CPNE3: variants seen among roughly 807,000 people sequenced by gnomAD.
CPNE3 encodes copine-3.
CPNE3 carries 68 observed loss-of-function variants against 63.9 expected under a neutral mutation model. That is an observed-to-expected ratio of 1.06 (90% confidence interval 0.87 to 1.30). The LOEUF (loss-of-function observed/expected upper bound fraction) is 1.30. Among genes scored for constraint, CPNE3 ranks in the 50% most tolerant of loss-of-function variants. The pLI, the probability that CPNE3 is intolerant of heterozygous loss-of-function variation, is 0.00. For missense variants in CPNE3, 665 were observed against 578.1 expected (o/e 1.15, Z -1.54); for synonymous variants, 219 against 197.5 (o/e 1.11, Z -0.91).
At chr8:86,538,436 A>G (rs1820855461) in intron 7 of CPNE3, among the ~76,000 whole-genome samples, 1 of 152,210 alleles carries the variant, frequency 6.6e-6, no homozygotes, top group Non-Finnish European at 1.5e-5. Context: ...ATTCTATACA[A>G]TAATACTTGA....
chr8:86,543,060 A>T (rs536619949), intron 8 of CPNE3, among the ~76,000 whole-genome samples: 2 of 152,114 alleles, frequency 1.3e-5, no homozygotes, highest in Admixed American at 1.3e-4. Context: ...AAAACCATGA[A>T]CTTATTAAAA....
At position 86,520,959 on chromosome 8, in the gene CPNE3, G is replaced by A. The variant is rs117887603; in HGVS notation, c.-11+5460G>A. On this transcript the variant is annotated intron_variant, in intron 2 of 16. Coordinates refer to ENST00000517490, the MANE Select transcript of CPNE3 (RefSeq NM_003909.5). The stretch of plus-strand genomic sequence containing the variant: ...TTCCTTTTTGTTTCTTTTTTGTTTT[G>A]TTTTATGTATATTTATGCTTGACAT... 2.6e-3 allele frequency among the ~76,000 whole-genome samples: 391 copies of A among 151,698 alleles called. 6 individuals are homozygous for A. The East Asian group carries it at 0.065, about 25-fold the overall frequency.
chr8:86,520,502 G>C (rs924600438), intron 2 of CPNE3, among the ~76,000 whole-genome samples: 3 of 151,126 alleles, frequency 2.0e-5, no homozygotes, highest in Admixed American at 6.6e-5. Context: ...TTGCAAGTGA[G>C]CCAAGATCTC....
intron 4 of CPNE3, 127 bp downstream of exon 4, chr8:86,529,251 T>A: frequency 1.4e-6 from 1 of 703,632 alleles, no homozygotes; most frequent in Non-Finnish European, 2.3e-6. Context: ...AGACAGTTTA[T>A]ATATTAATAT....
chr8:86,527,695 TGA>T (rs1390396125), intron 2 of CPNE3, among the ~76,000 whole-genome samples: 4 of 151,944 alleles, frequency 2.6e-5, no homozygotes, highest in Non-Finnish European at 5.9e-5. Context: ...CAGCCAATAT[TGA>T]GAACCACTGC....
Position 86,558,334 on chromosome 8 carries a change from A to G in CPNE3, c.1538A>G (p.Gln513Arg), listed in dbSNP as rs375458847. 1 of 872,988 alleles carries G rather than the reference A, an allele frequency of 1.1e-6. No individual in the cohort carries two copies. Among genetic ancestry groups the G allele is most frequent in the South Asian group, 1.3e-5 (1 of 76,544 alleles). The allele number at this position is 872,988 out of a possible 1,614,324, so 54.1% of individuals were successfully genotyped here. A position where few individuals can be genotyped will look rare whatever the true frequency, so the allele number is the denominator to read the frequency against. ...LAQCVLAEIP[Q>R]QVVGYFNTYK... ...CAGTGTGTCTTGGCAGAGATTCCCCAGCAGGTGGTGGGCTACTTCAATACA... is the reference window on the plus strand; with the variant it reads ...CAGTGTGTCTTGGCAGAGATTCCCCGGCAGGTGGTGGGCTACTTCAATACA... Residue 513 changes from glutamine to arginine, a missense_variant, in exon 17 of 17, where the codon CAG (glutamine) becomes CGG (arginine). Gln to Arg is a conservative substitution (Grantham distance 43, BLOSUM62 1). Coordinates refer to ENST00000517490, the MANE Select transcript of CPNE3 (RefSeq NM_003909.5).
At chr8:86,539,135 C>T (rs575533366) in intron 7 of CPNE3, among the ~76,000 whole-genome samples, 20 of 152,126 alleles carry the variant, frequency 1.3e-4, no homozygotes, top group Non-Finnish European at 1.8e-4. Context: ...ATTGTTATAA[C>T]AGTGTATGCT....
chr8:86,555,880 G>A (rs966658539), intron 15 of CPNE3, among the ~76,000 whole-genome samples: 1 of 152,116 alleles, frequency 6.6e-6, no homozygotes, highest in South Asian at 2.1e-4. Flanking sequence ...CATATATTTT[G>A]CCAACCCTAT....
intron 14 of CPNE3, among the ~76,000 whole-genome samples, 199 bp from the exon 15 acceptor site, chr8:86,554,652 C>G (rs1318415604): frequency 1.3e-5 from 2 of 152,080 alleles, no homozygotes; most frequent in Admixed American, 1.3e-4. Flanking sequence ...TGGGGGAGGA[C>G]AGAGCTTATA....
chr8:86,537,728 A>G (rs1227543939), intron 7 of CPNE3, 82 bp downstream of exon 7: 34 of 833,382 alleles, frequency 4.1e-5, no homozygotes, highest in Non-Finnish European at 6.8e-5. Context: ...TTATATTTAT[A>G]AAAGTATCAA....
At chr8:86,543,571 T>A (rs777642038) in intron 8 of CPNE3, among the ~76,000 whole-genome samples, 3 of 152,158 alleles carry the variant, frequency 2.0e-5, no homozygotes, top group Non-Finnish European at 4.4e-5. Context: ...CAAGTTTTTA[T>A]TTTAGATTAC....
At chr8:86,551,308 T>A (rs1821173128) in intron 14 of CPNE3, 74 bp downstream of exon 14, 1 of 1,081,176 alleles carries the variant, frequency 9.2e-7, no homozygotes, top group African/African-American at 1.6e-5. Flanking sequence ...TCTTTGTTCT[T>A]TGTTTTTTTT....
intron 2 of CPNE3, among the ~76,000 whole-genome samples, chr8:86,525,203 T>G (rs1222093460): frequency 6.6e-6 from 1 of 152,040 alleles, no homozygotes; most frequent in African/African-American, 2.4e-5. Context: ...CTCAGGCTGG[T>G]CTTGAACTCC....
chr8:86,554,962 C>T lies in CPNE3; in HGVS notation c.1232C>T (p.Ala411Val), dbSNP rs1282763916. ...CACGTGGCCAGGTTTGCTGCTGCAG[C>T]CACGCAACAGCAGACAGCTTCTGTA... Reference protein sequence around the residue: ...INHVARFAAAATQQQTASQYF... With the variant: ...INHVARFAAAVTQQQTASQYF... The change falls in exon 15 of 17, where the codon GCC (alanine) becomes GTC (valine). Residue 411 changes from alanine (A) to valine (V), a missense_variant. By Grantham distance (64) the Ala-to-Val change is moderately conservative. Transcript: ENST00000517490. 1.2e-6 allele frequency: 2 copies of T among 1,613,994 alleles called. No individual in the cohort carries two copies. Among genetic ancestry groups the T allele is most frequent in the Admixed American group, 1.7e-5 (1 of 59,994 alleles).
Position 86,548,422 on chromosome 8 carries a change from A to C in CPNE3, c.1001A>C (p.Gln334Pro). Residue 334 changes from glutamine (Q) to proline (P), a missense_variant, in exon 12 of 17, where the codon CAA becomes CCA. By Grantham distance (76) the Gln-to-Pro change is moderately conservative. Transcript: ENST00000517490. ...CTCTGGTCTGTGGGACTGGTCATTC[A>C]AGATTATGATGCGTGAGTATGACTT... The part of the protein sequence containing the change: ...TALWSVGLVI[Q>P]DYDADKMFPA... The C allele has an allele frequency of 6.2e-7, 1 of 1,614,136 alleles. No homozygotes were observed. Among genetic ancestry groups the C allele is most frequent in the Non-Finnish European group, 8.5e-7 (1 of 1,180,014 alleles).
At chr8:86,516,191 T>C (rs1271993525) in intron 2 of CPNE3, among the ~76,000 whole-genome samples, 3 of 152,170 alleles carry the variant, frequency 2.0e-5, no homozygotes, top group Non-Finnish European at 4.4e-5. Context: ...AAAAGGTGCC[T>C]GGCACAAACC....
chr8:86,548,559 C>G, intron 12 of CPNE3, 125 bp downstream of exon 12: 1 of 1,172,182 alleles, frequency 8.5e-7, no homozygotes, highest in Non-Finnish European at 1.2e-6. Context: ...CTAAAATCCC[C>G]CCGTCTTATC....
chr8:86,537,401 G>A (rs1401981964), intron 6 of CPNE3, among the ~76,000 whole-genome samples, 162 bp from the exon 7 acceptor site: 1 of 152,138 alleles, frequency 6.6e-6, no homozygotes, highest in Non-Finnish European at 1.5e-5. Context: ...GTAGACTTCC[G>A]TAAGTTTCTA....
At position 86,530,029 on chromosome 8, in the gene CPNE3, A is replaced by T. The variant is rs545045425; in HGVS notation, c.312+905A>T. On this transcript the variant is annotated intron_variant, in intron 4 of 16. Coordinates refer to ENST00000517490, the MANE Select transcript of CPNE3 (RefSeq NM_003909.5). ...AAATCCCAGTGTAGCTAAAATTCCTATGAATTTGATATATCTTTCAAACAG... is the reference window on the plus strand; with the variant it reads ...AAATCCCAGTGTAGCTAAAATTCCTTTGAATTTGATATATCTTTCAAACAG... Among the ~76,000 whole-genome samples, 277 of 152,218 alleles carry T rather than the reference A, an allele frequency of 1.8e-3. 4 individuals are homozygous for T. Among genetic ancestry groups the T allele is most frequent in the African/African-American group, 6.2e-3 (258 of 41,534 alleles).
Sources: gnomAD v4.1 joint callset for allele counts (sites outside exome capture counted in the v4.1 genomes callset) on GRCh38, gnomAD v4.1.1 for gene constraint, MANE v1.5 for transcripts, NCBI Gene and HGNC (gene_info 2026-07-23, HGNC 2026-07-21) for gene names.